Variants in C8orf34 observed in about 807,000 individuals in gnomAD.
The protein encoded by C8orf34 is uncharacterized protein C8orf34.
A neutral mutation model predicts 68.3 loss-of-function variants in C8orf34; 65 were observed. The ratio of observed to expected loss-of-function variants is 0.95; its 90% CI spans 0.78 to 1.17. The LOEUF is 1.17. Ranked by LOEUF, C8orf34 falls within the 50% of genes most tolerant of loss-of-function variation. The probability of loss-of-function intolerance (pLI) is 0.00; values close to 1 mark genes in which losing one functional copy is unlikely to be tolerated. For synonymous variants in C8orf34, 244 were observed against 241.2 expected, an observed-to-expected ratio of 1.01 and a Z score of -0.11; for missense variants, 664 against 655.4, an observed-to-expected ratio of 1.01 and a Z score of -0.14.
chr8:68,534,544 G>A (rs1319336556), intron 7 of C8orf34: 3 of 833,214 alleles, frequency 3.6e-6, no homozygotes, highest in Non-Finnish European at 4.3e-6. Flanking sequence ...AACACCTAAA[G>A]CAGAGGTAAG....
At chr8:68,350,900 G>A (rs777039825) in intron 1 of C8orf34, among the ~76,000 whole-genome samples, 7 of 151,994 alleles carry the variant, frequency 4.6e-5, no homozygotes, top group Admixed American at 1.3e-4. Context: ...GTTAGGTCTT[G>A]CTTTTTTATC....
At chr8:68,581,165 C>T (rs1002213088) in intron 7 of C8orf34, among the ~76,000 whole-genome samples, 14 of 151,988 alleles carry the variant, frequency 9.2e-5, no homozygotes, top group East Asian at 1.9e-4. Context: ...GGTAAACTTG[C>T]GTATTTCTTA....
At chr8:68,718,542 C>A (rs905517868) in intron 9 of C8orf34, among the ~76,000 whole-genome samples, 1 of 152,164 alleles carries the variant, frequency 6.6e-6, no homozygotes, top group African/African-American at 2.4e-5. Context: ...TTAGTACATT[C>A]TTTTCTACTT....
intron 9 of C8orf34, among the ~76,000 whole-genome samples, chr8:68,720,587 T>C (rs1294288914): frequency 6.7e-6 from 1 of 150,014 alleles, no homozygotes; most frequent in Non-Finnish European, 1.5e-5. Context: ...AATACCTTTC[T>C]CTTAACTGAT....
In C8orf34 at chr8:68,719,018, TA is replaced by T. The variant is rs200355163; in HGVS notation, c.1328-2339del. ...ATTACTTACATTTGAAAATCATATA[TA>T]AAAGAAATTGCTCTGGAATAGACAG... is the stretch of plus-strand genomic sequence containing the variant. On this transcript the variant is annotated intron_variant, in intron 9 of 13. Coordinates refer to ENST00000518698, the MANE Select transcript of C8orf34 (RefSeq NM_052958.4). Among the ~76,000 whole-genome samples, 1,036 of 152,232 alleles carry T rather than the reference TA, an allele frequency of 6.8e-3. 18 individuals are homozygous for T. The highest frequency in any genetic ancestry group is 0.024 in the African/African-American group (985 of 41,554).
intron 9 of C8orf34, among the ~76,000 whole-genome samples, chr8:68,720,409 G>A (rs1032566751): frequency 6.6e-6 from 1 of 151,810 alleles, no homozygotes; most frequent in African/African-American, 2.4e-5. Context: ...GCCATTAAGG[G>A]TTTGAAAGAT....
chr8:68,650,247 A>G (rs1385269592), intron 8 of C8orf34, among the ~76,000 whole-genome samples: 1 of 152,050 alleles, frequency 6.6e-6, no homozygotes, highest in Non-Finnish European at 1.5e-5. Context: ...ATGCCGACAC[A>G]CCAGAGTGAG....
At chr8:68,590,801 T>C (rs904339665) in intron 7 of C8orf34, among the ~76,000 whole-genome samples, 3 of 152,126 alleles carry the variant, frequency 2.0e-5, no homozygotes. Flanking sequence ...AAGTGTCTAC[T>C]GAGAACTGAG....
intron 1 of C8orf34, chr8:68,438,997 G>T (rs1460819669): frequency 6.6e-6 from 1 of 151,948 alleles, no homozygotes; most frequent in African/African-American, 2.4e-5. Flanking sequence ...ACAGTTTTTG[G>T]TTTCTGTAAG....
chr8:68,760,314 C>T (rs117873241), intron 10 of C8orf34, among the ~76,000 whole-genome samples: 23 of 152,244 alleles, frequency 1.5e-4, no homozygotes, highest in Middle Eastern at 3.4e-3. Context: ...TTCTTTCAAT[C>T]GAAAGCATTC....
chr8:68,608,717 A>G (rs1160163885), intron 7 of C8orf34, among the ~76,000 whole-genome samples: 1 of 151,964 alleles, frequency 6.6e-6, no homozygotes, highest in African/African-American at 2.4e-5. Flanking sequence ...TATACCTTGG[A>G]TCATGTGGCA....
In C8orf34 at chr8:68,698,459, A is replaced by T. The variant is rs1242779905; in HGVS notation, c.1242-10535A>T. On this transcript the variant is annotated intron_variant, in intron 8 of 13. Transcript: ENST00000518698. ...CTGAGTTTGCTTTTAGCCACCAGAG[A>T]GAAGGAGAGAGACTGGCTATATACA... Among the ~76,000 whole-genome samples the T allele has an allele frequency of 2.6e-5, 4 of 152,058 alleles. No homozygotes were observed. In the East Asian group the frequency reaches 5.8e-4, roughly 22 times the overall value.
At chr8:68,330,893 C>T (rs1563623390), upstream of C8orf34, 3 of 853,296 alleles carry the variant, frequency 3.5e-6, no homozygotes, top group Non-Finnish European at 5.0e-6. Flanking sequence ...GCTCGCCTCC[C>T]GCCCCCTGAT....
chr8:68,579,222 G>A (rs1038720496), intron 7 of C8orf34, among the ~76,000 whole-genome samples: 8 of 151,984 alleles, frequency 5.3e-5, no homozygotes, highest in Non-Finnish European at 8.8e-5. Context: ...GAGAGAAGTC[G>A]ATATTTCTAA....
chr8:68,813,793 C>T (rs1309201360), intron 12 of C8orf34, among the ~76,000 whole-genome samples: 1 of 152,178 alleles, frequency 6.6e-6, no homozygotes, highest in Non-Finnish European at 1.5e-5. Context: ...TGAGATGCTT[C>T]CATCGGGCTC....
intron 12 of C8orf34, among the ~76,000 whole-genome samples, chr8:68,794,564 G>C (rs1824124463): frequency 7.1e-6 from 1 of 141,762 alleles, no homozygotes; most frequent in Non-Finnish European, 1.5e-5. Flanking sequence ...GACTGCAGTG[G>C]CACAATCATA....
chr8:68,722,070 C>A (rs976044681), intron 10 of C8orf34, among the ~76,000 whole-genome samples: 1 of 151,988 alleles, frequency 6.6e-6, no homozygotes, highest in Non-Finnish European at 1.5e-5. Flanking sequence ...AACAAAGTAG[C>A]AAAGACTGGG....
chr8:68,763,616 C>T (rs1823085241), intron 10 of C8orf34, among the ~76,000 whole-genome samples: 1 of 150,056 alleles, frequency 6.7e-6, no homozygotes, highest in Non-Finnish European at 1.5e-5. Flanking sequence ...TTTCCCCCAT[C>T]TCTTGCTACT....
chr8:68,787,650 ACT>A, intron 12 of C8orf34, 114 bp downstream of exon 12: 1 of 639,844 alleles, frequency 1.6e-6, no homozygotes, highest in Non-Finnish European at 2.6e-6. Flanking sequence ...AAAAATCCAG[ACT>A]CTGTTAGGAA....
Sources: gnomAD v4.1 joint callset for allele counts (sites outside exome capture counted in the v4.1 genomes callset) on GRCh38, gnomAD v4.1.1 for gene constraint, MANE v1.5 for transcripts, NCBI Gene and HGNC (gene_info 2026-07-23, HGNC 2026-07-21) for gene names.